Variants in TGFA observed in about 807,000 individuals in gnomAD.
TGFA encodes transforming growth factor alpha.
A neutral mutation model predicts 21.7 loss-of-function variants in TGFA; 12 were observed. That is an observed-to-expected ratio of 0.55 (90% CI 0.35 to 0.90). The LOEUF (loss-of-function observed/expected upper bound fraction) is 0.90. TGFA is among the 40% of genes least tolerant of loss of function. The pLI is 0.01. For synonymous variants in TGFA, 79 were observed against 88.1 expected, an observed-to-expected ratio of 0.90 and a Z score of 0.58; for missense variants, 178 against 210.8, an observed-to-expected ratio of 0.84 and a Z score of 0.96.
rs114291820 is a variant in TGFA at position 70,511,713 on chromosome 2, C to T, written c.94+3146G>A. 2.8e-3 allele frequency among the ~76,000 whole-genome samples: 424 copies of T among 152,056 alleles called. 2 individuals carry two copies. Among genetic ancestry groups the T allele is most frequent in the African/African-American group, 9.3e-3 (387 of 41,474 alleles). On this transcript the variant is annotated intron_variant, in intron 2 of 5. Transcript: ENST00000295400. The stretch of plus-strand genomic sequence containing the variant: ...AAGTGGGCTTTGCTTTAAAATACCC[C>T]GGCACAGGGAGAAATTAGAAAGATA...
At chr2:70,508,890 C>CTGCA (rs1672010772) in intron 2 of TGFA, among the ~76,000 whole-genome samples, 1 of 152,178 alleles carries the variant, frequency 6.6e-6, no homozygotes, top group Non-Finnish European at 1.5e-5. Flanking sequence ...CGATTCTGGA[C>CTGCA]TGCATATCCT....
chr2:70,511,324 C>A (rs1302032304), intron 2 of TGFA, among the ~76,000 whole-genome samples: 2 of 152,192 alleles, frequency 1.3e-5, no homozygotes, highest in Non-Finnish European at 2.9e-5. Flanking sequence ...ACACCATTTA[C>A]ATTTTTCTGG....
chr2:70,538,069 T>C (rs1673026101), intron 1 of TGFA, among the ~76,000 whole-genome samples: 1 of 152,222 alleles, frequency 6.6e-6, no homozygotes, highest in Admixed American at 6.5e-5. Context: ...CTATATCTAC[T>C]CTGCCTGTCC....
At chr2:70,466,362 C>T (rs1670560881) in intron 2 of TGFA, among the ~76,000 whole-genome samples, 1 of 152,084 alleles carries the variant, frequency 6.6e-6, no homozygotes, top group Non-Finnish European at 1.5e-5. Flanking sequence ...AAAAAATTAG[C>T]CGGGCGAGGT....
intron 2 of TGFA, among the ~76,000 whole-genome samples, chr2:70,508,379 A>T (rs1671992865): frequency 6.6e-6 from 1 of 152,212 alleles, no homozygotes; most frequent in Admixed American, 6.5e-5. Flanking sequence ...TGGGAGGCAG[A>T]GGTTGCAGTG....
At chr2:70,454,855 A>G (rs550901292) in intron 4 of TGFA, among the ~76,000 whole-genome samples, 1 of 152,174 alleles carries the variant, frequency 6.6e-6, no homozygotes, top group Non-Finnish European at 1.5e-5. Flanking sequence ...GTTTCCAGAC[A>G]ATCTGCCAAA....
In TGFA at chr2:70,514,951, G is replaced by C. The variant is rs782507392; in HGVS notation, c.41-39C>G. 3 of 1,602,784 alleles carry C rather than the reference G, an allele frequency of 1.9e-6. No individual in the cohort carries two copies. The Admixed American group carries it at 5.1e-5, about 27-fold the overall frequency. On this transcript the variant is annotated intron_variant, in intron 1 of 5. Coordinates refer to ENST00000295400, the MANE Select transcript of TGFA (RefSeq NM_003236.4). Reference sequence around the variant, plus strand: ...GAGAAGAGGGAAAAGGTCAGAGTCTGCTTGGCAAATGATGTCCTCAGACGC... The same window carrying C: ...GAGAAGAGGGAAAAGGTCAGAGTCTCCTTGGCAAATGATGTCCTCAGACGC...
At chr2:70,460,384 A>AAAC (rs1670373497) in intron 3 of TGFA, among the ~76,000 whole-genome samples, 1 of 151,116 alleles carries the variant, frequency 6.6e-6, no homozygotes, top group African/African-American at 2.4e-5. Context: ...ACTTTTTTTA[A>AAAC]AAAAAAAACT....
At chr2:70,542,031 A>G (rs1046517463) in intron 1 of TGFA, among the ~76,000 whole-genome samples, 1 of 152,176 alleles carries the variant, frequency 6.6e-6, no homozygotes, top group Non-Finnish European at 1.5e-5. Context: ...AAAGTTTCCA[A>G]CTGCGCTCGG....
intron 2 of TGFA, among the ~76,000 whole-genome samples, chr2:70,495,666 G>T (rs1671552033): frequency 6.6e-6 from 1 of 152,144 alleles, no homozygotes; most frequent in Non-Finnish European, 1.5e-5. Flanking sequence ...TTTTGAAGGT[G>T]ATTCTCTCCA....
At chr2:70,463,646 A>G (rs965157895) in intron 3 of TGFA, among the ~76,000 whole-genome samples, 2 of 152,138 alleles carry the variant, frequency 1.3e-5, no homozygotes, top group African/African-American at 2.4e-5. Context: ...CTTTTTCTCC[A>G]AAGAGGATTC....
At chr2:70,548,264 G>A (rs1325608613) in intron 1 of TGFA, among the ~76,000 whole-genome samples, 1 of 152,170 alleles carries the variant, frequency 6.6e-6, no homozygotes, top group African/African-American at 2.4e-5. Flanking sequence ...TCCCTGCTGA[G>A]GCTCGGCCTG....
intron 2 of TGFA, among the ~76,000 whole-genome samples, chr2:70,501,729 T>C (rs923861694): frequency 1.3e-5 from 2 of 152,238 alleles, no homozygotes; most frequent in Non-Finnish European, 2.9e-5. Context: ...TTTCCATCTT[T>C]ATACATTTCT....
intron 1 of TGFA, among the ~76,000 whole-genome samples, chr2:70,550,802 C>T (rs761919929): frequency 2.0e-5 from 3 of 152,184 alleles, no homozygotes; most frequent in Non-Finnish European, 4.4e-5. Flanking sequence ...GCCTGGGAGA[C>T]AGAGCGAGAC....
In TGFA at chr2:70,540,043, T is replaced by C. The variant is rs555273468; in HGVS notation, c.40+13685A>G. On this transcript the variant is annotated intron_variant, in intron 1 of 5. Coordinates refer to ENST00000295400, the MANE Select transcript of TGFA (RefSeq NM_003236.4). ...ATAAAACACTAAGTTCCAGAAACAA[T>C]AGGAGAGAGGATAAGCAGGTTCACC... Among the ~76,000 whole-genome samples, 32 of 152,058 alleles carry C rather than the reference T, an allele frequency of 2.1e-4. No homozygotes were observed. The East Asian group carries it at 5.2e-3, about 25-fold the overall frequency.
chr2:70,512,522 G>A (rs1192374406), intron 2 of TGFA, among the ~76,000 whole-genome samples: 2 of 152,194 alleles, frequency 1.3e-5, no homozygotes, highest in Admixed American at 1.3e-4. Context: ...TTCAACTGCT[G>A]TTTTCTGACC....
Position 70,447,555 on chromosome 2 carries a change from A to G in TGFA, c.*3304T>C, listed in dbSNP as rs917573798. 2.0e-5 allele frequency: 3 copies of G among 152,626 alleles called. No individual in the cohort carries two copies. Among genetic ancestry groups the G allele is most frequent in the Admixed American group, 6.5e-5 (1 of 15,282 alleles). 9.5% of individuals were successfully genotyped at this position (152,626 alleles called of 1,614,324 possible). On this transcript the variant is annotated 3_prime_UTR_variant, in exon 6 of 6. Transcript: ENST00000295400. ...AGAGTAAGGAGTTCTAAAAAAAAGC[A>G]TCAGGTTTATTATAATAAAGATAAT...
chr2:70,552,606 C>A (rs1211986318), intron 1 of TGFA, among the ~76,000 whole-genome samples: 1 of 152,190 alleles, frequency 6.6e-6, no homozygotes, highest in African/African-American at 2.4e-5. Flanking sequence ...CAGGATGCCT[C>A]CCCTTCTGCT....
At chr2:70,480,886 TGATC>T (rs1553495367) in intron 2 of TGFA, among the ~76,000 whole-genome samples, 1 of 151,386 alleles carries the variant, frequency 6.6e-6, no homozygotes, top group African/African-American at 2.4e-5. Context: ...GCCTCTTCCA[TGATC>T]TAAAGGCTCT....
Sources: allele counts gnomAD v4.1 joint callset (sites outside exome capture counted in the v4.1 genomes callset), GRCh38; gene constraint gnomAD v4.1.1; transcripts MANE v1.5; gene names NCBI Gene and HGNC (gene_info 2026-07-23, HGNC 2026-07-21).